DRD3: variants seen among roughly 807,000 people sequenced by gnomAD.
DRD3 encodes dopamine receptor D3.
In DRD3, 19 loss-of-function variants were observed where a neutral mutation model predicts 36.3. The observed-to-expected ratio is 0.52, with a 90% CI of 0.36 to 0.77. DRD3 has a LOEUF of 0.77. DRD3 is among the 30% of genes least tolerant of loss of function. The pLI is 0.00. For synonymous variants in DRD3, 195 were observed against 203.7 expected, an observed-to-expected ratio of 0.96 and a Z score of 0.36; for missense variants, 465 against 505.3, an observed-to-expected ratio of 0.92 and a Z score of 0.77.
chr3:114,190,428 AT>A (rs2077999508), intron 1 of DRD3, among the ~76,000 whole-genome samples: 1 of 5,880 alleles, frequency 1.7e-4, no homozygotes, highest in African/African-American at 9.2e-4. Flanking sequence ...ATATATATAT[AT>A]ATATATATAT....
At chr3:114,177,520 TAAATC>T (rs2077912171) in intron 1 of DRD3, among the ~76,000 whole-genome samples, 1 of 152,100 alleles carries the variant, frequency 6.6e-6, no homozygotes, top group Non-Finnish European at 1.5e-5. Flanking sequence ...ACTCAGCAAA[TAAATC>T]AATCAATAAG....
At chr3:114,142,617 A>G (rs1363079852) in intron 4 of DRD3, among the ~76,000 whole-genome samples, 1 of 152,150 alleles carries the variant, frequency 6.6e-6, no homozygotes, top group Admixed American at 6.5e-5. Flanking sequence ...GTTTCTAGGG[A>G]GGGAGATGGG....
chr3:114,193,170 T>G (rs943714619), intron 1 of DRD3, among the ~76,000 whole-genome samples: 1 of 152,044 alleles, frequency 6.6e-6, no homozygotes, highest in Admixed American at 6.6e-5. Context: ...TCCCAGCTAC[T>G]TGGGAGGCTG....
intron 4 of DRD3, among the ~76,000 whole-genome samples, chr3:114,146,950 G>T (rs2107846448): frequency 6.6e-6 from 1 of 152,164 alleles, no homozygotes; most frequent in Non-Finnish European, 1.5e-5. Flanking sequence ...ATCTATACTG[G>T]TTAGTTCTGA....
intron 3 of DRD3, 109 bp downstream of exon 3, chr3:114,159,646 C>A: frequency 2.6e-6 from 2 of 777,302 alleles, no homozygotes; most frequent in Non-Finnish European, 4.3e-6. Flanking sequence ...AGAAAATGTT[C>A]CAGTGTCAAG....
intron 2 of DRD3, among the ~76,000 whole-genome samples, chr3:114,164,769 T>C (rs955332005): frequency 1.3e-5 from 2 of 152,248 alleles, no homozygotes; most frequent in Non-Finnish European, 2.9e-5. Context: ...GTTTTCTTTT[T>C]TGAGATGGAG....
At chr3:114,163,269 AT>A (rs35731414) in intron 2 of DRD3, among the ~76,000 whole-genome samples, 27 of 150,362 alleles carry the variant, frequency 1.8e-4, no homozygotes, top group Middle Eastern at 3.4e-3. Context: ...CTTGTAATGA[AT>A]TTTTTTTTTT....
At chr3:114,169,205 T>A (rs1299586355) in intron 2 of DRD3, among the ~76,000 whole-genome samples, 3 of 151,700 alleles carry the variant, frequency 2.0e-5, no homozygotes, top group Non-Finnish European at 4.4e-5. Flanking sequence ...TTTTCTTTCA[T>A]TAAGGTGCCT....
rs989001172 is a variant in DRD3 at position 114,163,507 on chromosome 3, A to G, written c.271-3640T>C. Among the ~76,000 whole-genome samples the G allele has an allele frequency of 3.3e-5, 5 of 152,212 alleles. No individual in the cohort carries two copies. The East Asian group carries it at 9.6e-4, about 29-fold the overall frequency. ...ATTTGCCTAAGGACACATAGCTTGT[A>G]AAAGGAGCTAGGATTTTGACCCCTT... is the stretch of plus-strand genomic sequence containing the variant. On this transcript the variant is annotated intron_variant, in intron 2 of 6. Transcript: ENST00000383673.
intron 1 of DRD3, among the ~76,000 whole-genome samples, chr3:114,175,298 G>A (rs1394320029): frequency 6.6e-6 from 1 of 152,186 alleles, no homozygotes. Flanking sequence ...GTGGGAATAG[G>A]TGAAGAGTTA....
intron 3 of DRD3, among the ~76,000 whole-genome samples, chr3:114,153,806 A>T (rs951546744): frequency 2.7e-5 from 4 of 148,360 alleles, no homozygotes; most frequent in East Asian, 2.0e-4. Flanking sequence ...TCACCTACCC[A>T]TTCTAGTCTC....
chr3:114,137,019 T>C (rs1559982099), intron 5 of DRD3, among the ~76,000 whole-genome samples: 1 of 152,242 alleles, frequency 6.6e-6, no homozygotes, highest in Non-Finnish European at 1.5e-5. Context: ...TTGGCTCCAG[T>C]CACTAAGGTC....
chr3:114,156,249 C>G (rs1380147542), intron 3 of DRD3, among the ~76,000 whole-genome samples: 1 of 152,212 alleles, frequency 6.6e-6, no homozygotes, highest in Admixed American at 6.5e-5. Context: ...AACTACATCC[C>G]TGCCTTCTCC....
At chr3:114,150,015 C>T (rs1269094553) in intron 3 of DRD3, among the ~76,000 whole-genome samples, 1 of 152,202 alleles carries the variant, frequency 6.6e-6, no homozygotes, top group South Asian at 2.1e-4. Context: ...AAAATGGGTA[C>T]AGTTCAAGCC....
chr3:114,191,339 C>G (rs2078009767), intron 1 of DRD3, among the ~76,000 whole-genome samples: 1 of 152,150 alleles, frequency 6.6e-6, no homozygotes, highest in Non-Finnish European at 1.5e-5. Context: ...ATCTGAAAGA[C>G]AAGGGGCAGC....
rs1211934567 is a variant in DRD3, at chr3:114,171,951, G to C, written c.42C>G (p.Thr14=). 6.4e-7 allele frequency: 1 copy of C among 1,556,322 alleles called. No homozygotes were observed. The highest frequency in any genetic ancestry group is 1.4e-5 in the African/African-American group (1 of 73,142). Residue 14 remains threonine (T), a synonymous_variant, in exon 2 of 7, where the codon ACC becomes ACG. Transcript: ENST00000383673. ...CACCTGTGGAGTTCTCTGCCCCACA[G>C]GTGTAGTTCAGGTGGCCACTCAGCT... ...LSQLSGHLNY[T]CGAENSTGAS...
At chr3:114,175,187 A>C (rs1165491292) in intron 1 of DRD3, among the ~76,000 whole-genome samples, 1 of 152,176 alleles carries the variant, frequency 6.6e-6, no homozygotes, top group Non-Finnish European at 1.5e-5. Context: ...CATATCCTGG[A>C]GCGGGGGTGC....
chr3:114,134,522 C>A (rs1053978385), intron 5 of DRD3, among the ~76,000 whole-genome samples: 1 of 152,086 alleles, frequency 6.6e-6, no homozygotes, highest in Non-Finnish European at 1.5e-5. Flanking sequence ...CAGGTTCAAG[C>A]AATTTTCCTG....
chr3:114,160,089 C>T (rs1402593728), intron 2 of DRD3, among the ~76,000 whole-genome samples: 1 of 152,178 alleles, frequency 6.6e-6, no homozygotes, highest in Non-Finnish European at 1.5e-5. Context: ...AATGCTAATG[C>T]TGGAAGTGAT....
Sources: gnomAD v4.1 joint callset for allele counts (sites outside exome capture counted in the v4.1 genomes callset) on GRCh38, gnomAD v4.1.1 for gene constraint, MANE v1.5 for transcripts, NCBI Gene and HGNC (gene_info 2026-07-23, HGNC 2026-07-21) for gene names.